Variants in DNAH10 observed in about 807,000 individuals in gnomAD.
DNAH10 encodes dynein axonemal heavy chain 10, also known as axonemal beta dynein heavy chain 10.
In DNAH10, 348 loss-of-function variants were observed where a neutral mutation model predicts 506.6. That is an observed-to-expected ratio of 0.69 (90% CI 0.63 to 0.75). The LOEUF (loss-of-function observed/expected upper bound fraction) is 0.75. DNAH10 is among the 30% of genes least tolerant of loss of function. DNAH10 has a pLI of 0.00. For missense variants in DNAH10, 5,179 were observed against 5,787.1 expected (o/e 0.89, Z 3.41); for synonymous variants, 2,059 against 2,198.6 (o/e 0.94, Z 1.78).
chr12:123,921,379 G>A (rs1010918146), intron 65 of DNAH10, among the ~76,000 whole-genome samples: 1 of 152,230 alleles, frequency 6.6e-6, no homozygotes, highest in African/African-American at 2.4e-5. Flanking sequence ...CCTCAACTAT[G>A]CCTGGTGTTC....
In DNAH10 at chr12:123,925,432, T is replaced by G; in HGVS notation, c.11921+228T>G. 2.3e-6 allele frequency: 1 copy of G among 435,784 alleles called. No homozygotes were observed. The highest frequency in any genetic ancestry group is 3.9e-6 in the Non-Finnish European group (1 of 253,242). 27.0% of individuals were successfully genotyped at this position (435,784 alleles called of 1,614,324 possible). ...ACATATGCAGTTTCGAAAGTTCTAG[T>G]AGCTACATTAGAAAAGAAATGGGCG... On this transcript the variant is annotated intron_variant, in intron 68 of 78. Transcript: ENST00000673944. This position sits in a 1 kb window ranked among gnomAD's most constrained non-coding sequence, Gnocchi z 4.0.
chr12:123,914,627 G>A (rs1954383405), intron 61 of DNAH10, 77 bp downstream of exon 61: 2 of 1,491,848 alleles, frequency 1.3e-6, no homozygotes, highest in Non-Finnish European at 1.8e-6. Flanking sequence ...ACCCTGGGGG[G>A]AGGCAATGGC....
intron 41 of DNAH10, among the ~76,000 whole-genome samples, chr12:123,866,395 C>T (rs899578555): frequency 2.0e-5 from 3 of 151,676 alleles, no homozygotes; most frequent in African/African-American, 7.3e-5. Context: ...AGGCGCCCGC[C>T]ACCACGACCG....
intron 35 of DNAH10, among the ~76,000 whole-genome samples, chr12:123,851,388 G>T (rs1206616769): frequency 6.6e-6 from 1 of 151,018 alleles, no homozygotes; most frequent in Non-Finnish European, 1.5e-5. Context: ...TCCAGACTGG[G>T]GACCTAGGAT....
intron 60 of DNAH10, among the ~76,000 whole-genome samples, chr12:123,914,068 A>C (rs1419688573): frequency 1.3e-5 from 2 of 152,234 alleles, no homozygotes; most frequent in African/African-American, 4.8e-5. Context: ...TGATCCACGC[A>C]ATGTGATTAC....
chr12:123,838,086 A>G (rs769363147), intron 28 of DNAH10, among the ~76,000 whole-genome samples: 4 of 152,162 alleles, frequency 2.6e-5, no homozygotes, highest in Non-Finnish European at 5.9e-5. Context: ...TCACAGTGGA[A>G]TTGCCAGCTT....
chr12:123,783,872 T>A, intron 7 of DNAH10, 75 bp from the exon 8 acceptor site: 1 of 1,361,728 alleles, frequency 7.3e-7, no homozygotes. Flanking sequence ...AAAGAACGGA[T>A]GCTGGAGAAA....
chr12:123,923,778 A>G lies in DNAH10; in HGVS notation c.11522A>G (p.His3841Arg). 6.2e-7 allele frequency: 1 copy of G among 1,610,266 alleles called. No homozygotes were observed. Among genetic ancestry groups the G allele is most frequent in the Non-Finnish European group, 8.5e-7 (1 of 1,178,950 alleles). ...NHGCTGLFERHKLLFSFNMTI... is the reference protein window; with the variant it reads ...NHGCTGLFERRKLLFSFNMTI... ...TTCCCTCCAGGGCTGTTTGAGAGGCACAAGCTACTCTTTTCTTTTAATATG... is the reference window on the plus strand; with the variant it reads ...TTCCCTCCAGGGCTGTTTGAGAGGCGCAAGCTACTCTTTTCTTTTAATATG... The change falls in exon 66 of 79, where the codon CAC becomes CGC. Residue 3841 changes from histidine to arginine, a missense_variant. By Grantham distance (29) the His-to-Arg change is conservative. This residue lies in a region of DNAH10 where 4,844 missense variants were observed against 5,430.5 expected (regional missense o/e 0.89). Coordinates refer to ENST00000673944, the MANE Select transcript of DNAH10 (RefSeq NM_001372106.1).
Position 123,931,991 on chromosome 12 carries a change from G to A in DNAH10, c.13179G>A (p.Arg4393=). The A allele has an allele frequency of 6.2e-7, 1 of 1,614,048 alleles. No homozygotes were observed. Among genetic ancestry groups the A allele is most frequent in the Non-Finnish European group, 8.5e-7 (1 of 1,179,908 alleles). The change falls in exon 76 of 79, where the codon AGG becomes AGA. Residue 4393 remains arginine, a synonymous_variant. Transcript: ENST00000673944. ...GMSNELDDVA[R]SLFIGHIPNI... ...GCAATGAGTTAGATGATGTGGCCAG[G>A]TCTCTTTTTATCGGGCATATCCCTA... is the stretch of plus-strand genomic sequence containing the variant.
In DNAH10 at chr12:123,931,455, A is replaced by G; in HGVS notation, c.12899A>G (p.Glu4300Gly). ...AARDMWAHLL[E>G]LQPQTGESSS... ...CGAGACATGTGGGCTCACCTGCTGG[A>G]GCTGCAGCCTCAGACAGGTAAACTC... Residue 4300 changes from glutamate (E) to glycine (G), a missense_variant, in exon 74 of 79, where the codon GAG (glutamate) becomes GGG (glycine). By Grantham distance (98) the Glu-to-Gly change is moderately conservative. Coordinates refer to ENST00000673944, the MANE Select transcript of DNAH10 (RefSeq NM_001372106.1). 2 of 1,613,838 alleles carry G rather than the reference A, an allele frequency of 1.2e-6. No homozygotes were observed. The highest frequency in any genetic ancestry group is 1.7e-6 in the Non-Finnish European group (2 of 1,179,800).
At chr12:123,865,847 G>T in intron 40 of DNAH10, 104 bp from the exon 41 acceptor site, 1 of 1,183,154 alleles carries the variant, frequency 8.5e-7, no homozygotes, top group Non-Finnish European at 1.1e-6. Flanking sequence ...GGTATTATTT[G>T]GATTTCATGC....
At chr12:123,838,344 G>GTT in intron 28 of DNAH10, 112 bp from the exon 29 acceptor site, 1 of 896,202 alleles carries the variant, frequency 1.1e-6, no homozygotes, top group Non-Finnish European at 1.7e-6. Context: ...CAGCTTGTCA[G>GTT]TTTTGTCTCG....
intron 4 of DNAH10, 81 bp downstream of exon 4, chr12:123,773,023 C>CT (rs1565885898): frequency 3.2e-6 from 3 of 948,610 alleles, no homozygotes; most frequent in Non-Finnish European, 4.8e-6. Flanking sequence ...ATTCTGTTGT[C>CT]TTTTTATGGT....
intron 21 of DNAH10, among the ~76,000 whole-genome samples, chr12:123,815,803 C>G (rs1441867374): frequency 6.6e-6 from 1 of 152,214 alleles, no homozygotes; most frequent in Non-Finnish European, 1.5e-5. Context: ...CTACTACACA[C>G]CTAGGCCATA....
Position 123,793,926 on chromosome 12 carries a change from G to T in DNAH10, c.1816-16G>T. The T allele has an allele frequency of 1.7e-6, 2 of 1,195,454 alleles. No individual in the cohort carries two copies. Among genetic ancestry groups the T allele is most frequent in the Non-Finnish European group, 2.1e-6 (2 of 934,460 alleles). 74.1% of individuals were successfully genotyped at this position (1,195,454 alleles called of 1,614,324 possible). A position where few individuals can be genotyped will look rare whatever the true frequency, so the allele number is the denominator to read the frequency against. On this transcript the variant is annotated splice_polypyrimidine_tract_variant and intron_variant, in intron 11 of 78. Transcript: ENST00000673944. ...ATTACAGGGGCATGAGGGTTGTTTT[G>T]TTGATTTTTTTGCAGGTTATTGAGA...
intron 27 of DNAH10, among the ~76,000 whole-genome samples, chr12:123,834,854 T>C (rs1960968199): frequency 6.6e-6 from 1 of 152,258 alleles, no homozygotes; most frequent in East Asian, 1.9e-4. Flanking sequence ...GTGTCAGTGC[T>C]TCCGTCCTTT....
chr12:123,856,903 T>A (rs1951414971), intron 36 of DNAH10, among the ~76,000 whole-genome samples, 153 bp from the exon 37 acceptor site: 3 of 150,912 alleles, frequency 2.0e-5, no homozygotes, highest in Admixed American at 2.0e-4. Context: ...TATGTAATTT[T>A]AAATGTGTAT....
intron 54 of DNAH10, 124 bp downstream of exon 54, chr12:123,894,847 C>A: frequency 1.2e-6 from 1 of 844,144 alleles, no homozygotes; most frequent in Non-Finnish European, 1.9e-6. Flanking sequence ...TAACAAATGG[C>A]TTTCAATTTT....
At chr12:123,807,892 GGTGA>G in intron 18 of DNAH10, among the ~76,000 whole-genome samples, 1 of 141,104 alleles carries the variant, frequency 7.1e-6, no homozygotes, top group Non-Finnish European at 1.6e-5. Flanking sequence ...GGGAGAGAGA[GGTGA>G]AGAGAGAGGG....
Sources: allele counts gnomAD v4.1 joint callset (sites outside exome capture counted in the v4.1 genomes callset), GRCh38; gene constraint gnomAD v4.1.1; regional missense constraint gnomAD v4.1.1; non-coding constraint Gnocchi (gnomAD v3.1); transcripts MANE v1.5; gene names NCBI Gene and HGNC (gene_info 2026-07-23, HGNC 2026-07-21).